WDR64: variants seen among roughly 807,000 people sequenced by gnomAD.
WDR64 encodes the protein WD repeat domain 64.
Under a neutral mutation model 139.3 loss-of-function variants are expected in WDR64, and 112 were observed. The ratio of observed to expected loss-of-function variants is 0.80; its 90% CI spans 0.69 to 0.94. The LOEUF (loss-of-function observed/expected upper bound fraction) is 0.94. Ranked by LOEUF, WDR64 falls within the 40% of genes least tolerant of loss-of-function variation. WDR64 has a pLI of 0.00. For missense variants in WDR64, 1,206 were observed against 1,293.1 expected (o/e 0.93, Z 1.03); for synonymous variants, 444 against 437.7 (o/e 1.01, Z -0.18).
intron 8 of WDR64, among the ~76,000 whole-genome samples, chr1:241,707,699 G>C (rs1036424074): frequency 6.6e-6 from 1 of 152,272 alleles, no homozygotes; most frequent in African/African-American, 2.4e-5. Flanking sequence ...GCCCCCCACA[G>C]CTCTGGGACG....
intron 1 of WDR64, among the ~76,000 whole-genome samples, chr1:241,659,999 T>A (rs1304937948): frequency 6.6e-6 from 1 of 152,202 alleles, no homozygotes; most frequent in Non-Finnish European, 1.5e-5. Context: ...CTGTCCTGAA[T>A]GGAATTGCCT....
chr1:241,772,451 C>CTTTTTTTTTTTTTTTTTTTT (rs534177884), intron 19 of WDR64, among the ~76,000 whole-genome samples: 5 of 59,020 alleles, frequency 8.5e-5, no homozygotes, highest in Non-Finnish European at 9.0e-5. Flanking sequence ...AAGATAGATC[C>CTTTTTTTTTTTTTTTTTTTT]TTTTTTTTTT....
At chr1:241,661,912 T>G (rs1283816269) in intron 2 of WDR64, among the ~76,000 whole-genome samples, 1 of 152,230 alleles carries the variant, frequency 6.6e-6, no homozygotes, top group East Asian at 1.9e-4. Context: ...CCACGGTTGC[T>G]TCTGTGCTAC....
chr1:241,766,234 T>C lies in WDR64; in HGVS notation c.1964T>C (p.Leu655Ser). 1 of 1,614,022 alleles carries C rather than the reference T, an allele frequency of 6.2e-7. No homozygotes were observed. Among genetic ancestry groups the C allele is most frequent in the Non-Finnish European group, 8.5e-7 (1 of 1,179,934 alleles). Residue 655 changes from leucine (L) to serine (S), a missense_variant, in exon 16 of 28, where the codon TTA becomes TCA. By Grantham distance (145) the Leu-to-Ser change is moderately radical. Transcript: ENST00000437684. Reference sequence around the variant, plus strand: ...GTTCTTCAGAATCCCACCATGGATTTATTACGAGTGAACTGCATTGATTTA... The same window carrying C: ...GTTCTTCAGAATCCCACCATGGATTCATTACGAGTGAACTGCATTGATTTA... ...SQPTDNPTMD[L>S]LRVNCIDLLQ...
At chr1:241,791,818 A>G (rs976882621) in intron 25 of WDR64, among the ~76,000 whole-genome samples, 6 of 152,228 alleles carry the variant, frequency 3.9e-5, no homozygotes, top group Non-Finnish European at 2.9e-5. Flanking sequence ...CAATATATTC[A>G]CAAGTTAGGA....
At chr1:241,655,212 G>T (rs1204721853) in intron 1 of WDR64, among the ~76,000 whole-genome samples, 1 of 152,050 alleles carries the variant, frequency 6.6e-6, no homozygotes. Context: ...ATGAAACCCT[G>T]TCTCTACTAA....
chr1:241,697,333 T>C (rs1667533327), intron 8 of WDR64, among the ~76,000 whole-genome samples: 1 of 152,208 alleles, frequency 6.6e-6, no homozygotes, highest in African/African-American at 2.4e-5. Context: ...GCCGTACCTA[T>C]TCTTCTTTTC....
At position 241,796,295 on chromosome 1, in the gene WDR64, T is replaced by G. The variant is rs115851520; in HGVS notation, c.3117T>G (p.Ile1039Met). 8.3e-4 allele frequency: 1,347 copies of G among 1,613,742 alleles called. 7 individuals carry two copies. The African/African-American group carries it at 0.016, about 19-fold the overall frequency. ...SPTSLRFLPL[I>M]GVEAQKDSSD... ...CTAGTCTAAGATTTCTTCCACTGAT[T>G]GGCGTAGAAGCCCAAAAGGACTCTT... is the stretch of plus-strand genomic sequence containing the variant. Residue 1039 changes from isoleucine to methionine, a missense_variant, in exon 27 of 28, where the codon ATT becomes ATG. By Grantham distance (10) the Ile-to-Met change is conservative. Coordinates refer to ENST00000437684, the MANE Select transcript of WDR64 (RefSeq NM_001367482.1).
intron 8 of WDR64, among the ~76,000 whole-genome samples, chr1:241,696,713 T>G (rs1667504105): frequency 6.6e-6 from 1 of 152,142 alleles, no homozygotes; most frequent in South Asian, 2.1e-4. Context: ...TTGCGTATAA[T>G]GAGCAGTGAG....
chr1:241,708,695 TTTTTTTTTGTTTTTTTG>T (rs1278350994), intron 8 of WDR64, among the ~76,000 whole-genome samples: 8 of 65,858 alleles, frequency 1.2e-4, no homozygotes, highest in Admixed American at 2.5e-4. Flanking sequence ...GTCCATGGTT[TTTTTTTTTGTTTTTTTG>T]TTTTTTTTTT....
chr1:241,730,664 G>A (rs1011016439), intron 10 of WDR64, among the ~76,000 whole-genome samples: 1 of 152,136 alleles, frequency 6.6e-6, no homozygotes, highest in African/African-American at 2.4e-5. Context: ...GTACAACTAG[G>A]AATCCCAACT....
At chr1:241,789,754 G>A (rs1574098960) in intron 24 of WDR64, among the ~76,000 whole-genome samples, 1 of 152,138 alleles carries the variant, frequency 6.6e-6, no homozygotes, top group Admixed American at 6.5e-5. Flanking sequence ...TGGGAGGAGG[G>A]AGAGGATCAG....
chr1:241,680,333 A>G (rs949740772), intron 6 of WDR64, among the ~76,000 whole-genome samples: 3 of 152,128 alleles, frequency 2.0e-5, no homozygotes, highest in Admixed American at 6.5e-5. Context: ...TTCTTTTGCT[A>G]TTTGTTCATA....
At chr1:241,733,142 A>G (rs1169505823) in intron 10 of WDR64, among the ~76,000 whole-genome samples, 1 of 152,156 alleles carries the variant, frequency 6.6e-6, no homozygotes, top group East Asian at 1.9e-4. Context: ...CCCATTGTTA[A>G]AAAAATCCCT....
intron 8 of WDR64, among the ~76,000 whole-genome samples, chr1:241,702,888 C>T (rs182708219): frequency 2.0e-5 from 3 of 152,264 alleles, no homozygotes; most frequent in Non-Finnish European, 4.4e-5. Flanking sequence ...GTTCTGACAA[C>T]AGAGACTTTA....
At chr1:241,729,726 G>C (rs1219226390) in intron 10 of WDR64, among the ~76,000 whole-genome samples, 1 of 152,108 alleles carries the variant, frequency 6.6e-6, no homozygotes, top group Non-Finnish European at 1.5e-5. Flanking sequence ...AATAAACCTG[G>C]AGATAGAAAA....
At chr1:241,766,537 C>T (rs2148292639) in intron 16 of WDR64, among the ~76,000 whole-genome samples, 186 bp downstream of exon 16, 1 of 152,232 alleles carries the variant, frequency 6.6e-6, no homozygotes, top group Non-Finnish European at 1.5e-5. Flanking sequence ...CCTGTCTCTA[C>T]TAAAAATACA....
rs1231449104 is a variant in WDR64 at position 241,802,358 on chromosome 1, A to T, written c.*1143A>T. On this transcript the variant is annotated 3_prime_UTR_variant, in exon 28 of 28. Coordinates refer to ENST00000437684, the MANE Select transcript of WDR64 (RefSeq NM_001367482.1). The stretch of plus-strand genomic sequence containing the variant: ...AACAGGAAAGACTAACACTCAGTTT[A>T]AAAAATTAAAACAATGGTGGCCTCT... Among the ~76,000 whole-genome samples the T allele has an allele frequency of 6.6e-6, 1 of 152,186 alleles. No individual in the cohort carries two copies. The highest frequency in any genetic ancestry group is 2.4e-5 in the African/African-American group (1 of 41,456).
chr1:241,741,617 A>G lies in WDR64; in HGVS notation c.1423A>G (p.Lys475Glu). ...EREINVMLYNKYFHQVLTICS... is the reference protein window; with the variant it reads ...EREINVMLYNEYFHQVLTICS... Reference sequence around the variant, plus strand: ...AGAAATCAATGTCATGCTTTACAACAAATATTTTCATCAAGTACTCACTAT... The same window carrying G: ...AGAAATCAATGTCATGCTTTACAACGAATATTTTCATCAAGTACTCACTAT... Residue 475 changes from lysine to glutamate, a missense_variant, in exon 12 of 28, where the codon AAA becomes GAA. Transcript: ENST00000437684. 1 of 1,613,308 alleles carries G rather than the reference A, an allele frequency of 6.2e-7. No individual in the cohort carries two copies. The highest frequency in any genetic ancestry group is 8.5e-7 in the Non-Finnish European group (1 of 1,179,872).
Sources: allele counts gnomAD v4.1 joint callset (sites outside exome capture counted in the v4.1 genomes callset), GRCh38; gene constraint gnomAD v4.1.1; transcripts MANE v1.5; gene names NCBI Gene and HGNC (gene_info 2026-07-23, HGNC 2026-07-21).